TMEM196: variants seen among roughly 807,000 people sequenced by gnomAD.
TMEM196 encodes transmembrane protein 196.
TMEM196 carries 17 observed loss-of-function variants against 20.0 expected under a neutral mutation model. The observed-to-expected ratio is 0.85, with a 90% CI of 0.58 to 1.27. The LOEUF is 1.27. Ranked by LOEUF, TMEM196 falls within the 50% of genes most tolerant of loss-of-function variation. TMEM196 has a pLI of 0.00. For missense variants in TMEM196, 267 were observed against 223.0 expected (o/e 1.20, Z -1.26); for synonymous variants, 113 against 88.9 (o/e 1.27, Z -1.52).
chr7:19,752,377 T>C (rs903929631), intron 1 of TMEM196, among the ~76,000 whole-genome samples: 13 of 152,106 alleles, frequency 8.5e-5, no homozygotes, highest in African/African-American at 3.1e-4. Flanking sequence ...CCTACGTCAT[T>C]TTCATCACAT....
At chr7:19,724,104 C>CG (rs1783904505) in intron 4 of TMEM196, among the ~76,000 whole-genome samples, 176 bp downstream of exon 4, 2 of 152,102 alleles carry the variant, frequency 1.3e-5, no homozygotes, top group African/African-American at 4.8e-5. Context: ...CTGCAAGACT[C>CG]GGCCATGTAG....
chr7:19,759,221 C>T (rs1245352755), intron 1 of TMEM196, among the ~76,000 whole-genome samples: 1 of 152,126 alleles, frequency 6.6e-6, no homozygotes, highest in East Asian at 1.9e-4. Context: ...TTCCCATTAC[C>T]TTACTTCAGC....
chr7:19,764,472 G>T (rs1208127286), intron 1 of TMEM196, among the ~76,000 whole-genome samples: 1 of 152,116 alleles, frequency 6.6e-6, no homozygotes. Context: ...GACCCACAAA[G>T]ACTCCATTTC....
intron 1 of TMEM196, among the ~76,000 whole-genome samples, chr7:19,745,313 C>T (rs897286086): frequency 6.6e-6 from 1 of 151,970 alleles, no homozygotes; most frequent in African/African-American, 2.4e-5. Context: ...TAGGGAGGGC[C>T]AACTATTCTT....
intron 1 of TMEM196, among the ~76,000 whole-genome samples, chr7:19,746,955 G>T (rs1784776371): frequency 6.6e-6 from 1 of 152,186 alleles, no homozygotes; most frequent in East Asian, 1.9e-4. Context: ...TTGGAATTAG[G>T]TAAATCATAG....
intron 3 of TMEM196, among the ~76,000 whole-genome samples, chr7:19,725,179 A>T (rs1005532162): frequency 4.6e-5 from 7 of 152,202 alleles, no homozygotes; most frequent in African/African-American, 1.4e-4. Flanking sequence ...CAATTTCTAA[A>T]ACTGGCATTA....
chr7:19,724,429 T>G, intron 3 of TMEM196, 76 bp from the exon 4 acceptor site: 1 of 1,376,592 alleles, frequency 7.3e-7, no homozygotes, highest in Non-Finnish European at 1.0e-6. Flanking sequence ...TAGTATAAAA[T>G]AAAGCACAAA....
At position 19,755,757 on chromosome 7, in the gene TMEM196, T is replaced by G. The variant is rs570722422; in HGVS notation, c.147+16793A>C. Among the ~76,000 whole-genome samples, 3 of 152,298 alleles carry G rather than the reference T, an allele frequency of 2.0e-5. No individual in the cohort carries two copies. The East Asian group carries it at 5.8e-4, about 29-fold the overall frequency. On this transcript the variant is annotated intron_variant, in intron 1 of 4. Transcript: ENST00000405844. ...GCAAAACAAAATGTGAGGCCAGGCG[T>G]GGTGGCTTATGCCTATATTCCAGCA...
intron 4 of TMEM196, among the ~76,000 whole-genome samples, chr7:19,722,611 T>A (rs1034349598): frequency 6.6e-6 from 1 of 152,124 alleles, no homozygotes; most frequent in African/African-American, 2.4e-5. Flanking sequence ...TTTGTAACTA[T>A]GGATCACTAA....
At chr7:19,752,507 C>A (rs766399781) in intron 1 of TMEM196, among the ~76,000 whole-genome samples, 6 of 152,146 alleles carry the variant, frequency 3.9e-5, no homozygotes, top group Non-Finnish European at 7.3e-5. Flanking sequence ...CCTTTAGTTT[C>A]TCTAATATCA....
chr7:19,730,009 T>C (rs888929417), intron 1 of TMEM196, among the ~76,000 whole-genome samples: 1 of 151,990 alleles, frequency 6.6e-6, no homozygotes, highest in Non-Finnish European at 1.5e-5. Flanking sequence ...GTAATCCCAG[T>C]ACTTTGGGAG....
chr7:19,759,223 T>C (rs1785333542), intron 1 of TMEM196, among the ~76,000 whole-genome samples: 1 of 152,186 alleles, frequency 6.6e-6, no homozygotes, highest in Non-Finnish European at 1.5e-5. Context: ...CCCATTACCT[T>C]ACTTCAGCTA....
intron 1 of TMEM196, among the ~76,000 whole-genome samples, chr7:19,770,705 A>T (rs1785836003): frequency 6.6e-6 from 1 of 152,220 alleles, no homozygotes; most frequent in African/African-American, 2.4e-5. Context: ...ATTCTTTCTT[A>T]TAGTGACTAT....
chr7:19,738,984 C>A (rs1427706012), intron 1 of TMEM196, among the ~76,000 whole-genome samples: 1 of 152,108 alleles, frequency 6.6e-6, no homozygotes, highest in African/African-American at 2.4e-5. Context: ...TGAACAAACA[C>A]CACCTCAATC....
At chr7:19,742,272 C>T (rs1234927377) in intron 1 of TMEM196, among the ~76,000 whole-genome samples, 4 of 152,068 alleles carry the variant, frequency 2.6e-5, no homozygotes, top group Non-Finnish European at 5.9e-5. Context: ...AACACAATTC[C>T]TAAAGGAGAG....
At chr7:19,765,542 A>C (rs1340677383) in intron 1 of TMEM196, among the ~76,000 whole-genome samples, 1 of 152,164 alleles carries the variant, frequency 6.6e-6, no homozygotes, top group East Asian at 1.9e-4. Context: ...ACTTTTCAAC[A>C]AGTATTTACA....
At position 19,773,454 on chromosome 7, in the gene TMEM196, G is replaced by T. The variant is rs1306321177; in HGVS notation, c.-758C>A. 5.9e-6 allele frequency: 1 copy of T among 168,642 alleles called. No individual in the cohort carries two copies. The allele number at this position is 168,642 out of a possible 1,614,324, so 10.4% of individuals were successfully genotyped here. Reference sequence around the variant, plus strand: ...TGACCTCATTGGGGTTTAGGAGGTTGACGGAGGAGGAAAAAGCCTAATGTA... The same window carrying T: ...TGACCTCATTGGGGTTTAGGAGGTTTACGGAGGAGGAAAAAGCCTAATGTA... On this transcript the variant is annotated 5_prime_UTR_variant, in exon 1 of 5. Transcript: ENST00000405844.
intron 1 of TMEM196, among the ~76,000 whole-genome samples, chr7:19,759,311 C>T (rs1785337683): frequency 6.6e-6 from 1 of 152,322 alleles, no homozygotes; most frequent in South Asian, 2.1e-4. Context: ...TCTTTTCTTA[C>T]ACCACTCTTT....
intron 1 of TMEM196, among the ~76,000 whole-genome samples, chr7:19,750,325 C>T (rs552044319): frequency 7.2e-5 from 11 of 152,208 alleles, no homozygotes; most frequent in African/African-American, 2.4e-4. Context: ...CAAAACATCA[C>T]ATTGTAGCCA....
Sources: allele counts gnomAD v4.1 joint callset (sites outside exome capture counted in the v4.1 genomes callset), GRCh38; gene constraint gnomAD v4.1.1; transcripts MANE v1.5; gene names NCBI Gene and HGNC (gene_info 2026-07-23, HGNC 2026-07-21).